The following SLCO1A2 variants were observed in gnomAD, a reference collection of about 807,000 sequenced individuals.
The protein encoded by SLCO1A2 is OATP-1.
Under a neutral mutation model 69.0 loss-of-function variants are expected in SLCO1A2, and 67 were observed. The observed-to-expected ratio is 0.97, with a 90% confidence interval of 0.80 to 1.19. The LOEUF is 1.19. Ranked by LOEUF, SLCO1A2 falls within the 50% of genes most tolerant of loss-of-function variation. The pLI, the probability that SLCO1A2 is intolerant of heterozygous loss-of-function variation, is 0.00. For missense variants in SLCO1A2, 787 were observed against 793.7 expected (o/e 0.99, Z 0.10); for synonymous variants, 260 against 265.9 (o/e 0.98, Z 0.22).
At chr12:21,337,153 T>A (rs536954842), upstream of SLCO1A2, among the ~76,000 whole-genome samples, 1 of 152,176 alleles carries the variant, frequency 6.6e-6, no homozygotes, top group East Asian at 1.9e-4. Context: ...ATATACACAT[T>A]GTTATGTAGT....
chr12:21,273,410 G>A (rs947606231), intron 14 of SLCO1A2, among the ~76,000 whole-genome samples: 2 of 152,002 alleles, frequency 1.3e-5, no homozygotes, highest in Admixed American at 1.3e-4. Context: ...AGAAATGTAG[G>A]GATCCATGGA....
intron 2 of SLCO1A2, among the ~76,000 whole-genome samples, chr12:21,365,831 C>A (rs11046003): frequency 0.32 from 49,190 of 151,966 alleles, 8,269 homozygotes; most frequent in East Asian, 0.46. Flanking sequence ...GAGAAATGCA[C>A]ATCAAAACCA....
chr12:21,302,621 A>G (rs1948856020), intron 6 of SLCO1A2, among the ~76,000 whole-genome samples: 1 of 147,206 alleles, frequency 6.8e-6, no homozygotes, highest in Admixed American at 6.8e-5. Context: ...TGCAACCTCC[A>G]CCTCCCGGGT....
At chr12:21,416,526 G>C (rs1366171473) in intron 1 of SLCO1A2, among the ~76,000 whole-genome samples, 1 of 151,934 alleles carries the variant, frequency 6.6e-6, no homozygotes, top group Non-Finnish European at 1.5e-5. Context: ...TGAGAACCGA[G>C]CTAGCTTCGT....
intron 1 of SLCO1A2, among the ~76,000 whole-genome samples, chr12:21,375,491 T>C (rs150172045): frequency 1.9e-3 from 295 of 152,336 alleles, no homozygotes; most frequent in African/African-American, 6.8e-3. Flanking sequence ...AATCATCTCA[T>C]TTGAGATTTT....
At chr12:21,280,495 A>G (rs1944592466) in intron 12 of SLCO1A2, among the ~76,000 whole-genome samples, 1 of 152,122 alleles carries the variant, frequency 6.6e-6, no homozygotes, top group Non-Finnish European at 1.5e-5. Context: ...AGATCATTAT[A>G]TAAGGATAAA....
At chr12:21,385,692 T>C (rs1301292127) in intron 1 of SLCO1A2, among the ~76,000 whole-genome samples, 1 of 152,138 alleles carries the variant, frequency 6.6e-6, no homozygotes, top group Non-Finnish European at 1.5e-5. Context: ...CACAGCTGGG[T>C]GTGATAAGGA....
intron 10 of SLCO1A2, chr12:21,295,108 C>T (rs1947502929): frequency 6.6e-6 from 1 of 151,970 alleles, no homozygotes; most frequent in Admixed American, 6.6e-5. Context: ...TTAGACATAG[C>T]AATATAAATG....
intron 2 of SLCO1A2, among the ~76,000 whole-genome samples, chr12:21,362,870 T>A (rs953942801): frequency 1.1e-4 from 16 of 152,158 alleles, no homozygotes; most frequent in Admixed American, 4.6e-4. Flanking sequence ...ATGCATCCAA[T>A]ACAGGAGCAC....
intron 3 of SLCO1A2, among the ~76,000 whole-genome samples, chr12:21,318,437 T>G (rs529782805): frequency 1.3e-5 from 2 of 152,272 alleles, no homozygotes; most frequent in Admixed American, 6.5e-5. Context: ...CCTTTGTATC[T>G]TCTAAATACA....
upstream of SLCO1A2, among the ~76,000 whole-genome samples, chr12:21,418,705 T>C (rs1473293119): frequency 6.6e-6 from 1 of 152,022 alleles, no homozygotes; most frequent in Non-Finnish European, 1.5e-5. Context: ...CGTGTGGGAA[T>C]TATGGGAGCT....
intron 14 of SLCO1A2, among the ~76,000 whole-genome samples, chr12:21,270,525 CT>C (rs1482864058): frequency 4.0e-5 from 6 of 151,588 alleles, no homozygotes; most frequent in African/African-American, 1.5e-4. Flanking sequence ...AAAATTTTCC[CT>C]TTTTCTGTTT....
At chr12:21,349,916 T>C (rs1347884308) in intron 2 of SLCO1A2, among the ~76,000 whole-genome samples, 2 of 152,204 alleles carry the variant, frequency 1.3e-5, no homozygotes, top group African/African-American at 4.8e-5. Flanking sequence ...TGTTAGACTT[T>C]AAGTTCCATC....
At chr12:21,393,363 T>A (rs1032620280) in intron 1 of SLCO1A2, among the ~76,000 whole-genome samples, 1 of 152,172 alleles carries the variant, frequency 6.6e-6, no homozygotes, top group African/African-American at 2.4e-5. Context: ...TTATTTAAGA[T>A]TAATTACTCC....
At chr12:21,299,274 T>C (rs1381334373) in intron 8 of SLCO1A2, among the ~76,000 whole-genome samples, 1 of 152,134 alleles carries the variant, frequency 6.6e-6, no homozygotes, top group African/African-American at 2.4e-5. Flanking sequence ...TGAGCATCAG[T>C]GCTCTTGAGT....
chr12:21,266,114 G>A lies in SLCO1A2; in HGVS notation c.*3434C>T, dbSNP rs1942039496. On this transcript the variant is annotated 3_prime_UTR_variant, in exon 15 of 15. Coordinates refer to ENST00000683939, the MANE Select transcript of SLCO1A2 (RefSeq NM_001386879.1). ...GATGCATGAGAGGACCCACAAAGAG[G>A]ACGTTCACCTATGAATCAGCCAGTA... 1 of 152,110 alleles carries A rather than the reference G, an allele frequency of 6.6e-6. No homozygotes were observed. Among genetic ancestry groups the A allele is most frequent in the African/African-American group, 2.4e-5 (1 of 41,428 alleles). The allele number at this position is 152,110 out of a possible 1,614,324, so 9.4% of individuals were successfully genotyped here.
intron 2 of SLCO1A2, among the ~76,000 whole-genome samples, chr12:21,373,922 G>C: frequency 6.6e-6 from 1 of 152,106 alleles, no homozygotes; most frequent in East Asian, 1.9e-4. Context: ...ATAATCAGGA[G>C]CAAATTAATG....
intron 2 of SLCO1A2, among the ~76,000 whole-genome samples, chr12:21,333,350 T>C (rs1301734194): frequency 6.6e-6 from 1 of 152,130 alleles, no homozygotes; most frequent in East Asian, 1.9e-4. Flanking sequence ...AAATAATCTC[T>C]GTATTTATAA....
chr12:21,346,821 T>C (rs1480267120), intron 2 of SLCO1A2, among the ~76,000 whole-genome samples: 1 of 152,226 alleles, frequency 6.6e-6, no homozygotes, highest in Non-Finnish European at 1.5e-5. Context: ...AAGCCATACA[T>C]ACACCATTGG....
Sources: gnomAD v4.1 joint callset for allele counts (sites outside exome capture counted in the v4.1 genomes callset) on GRCh38, gnomAD v4.1.1 for gene constraint, MANE v1.5 for transcripts, NCBI Gene and HGNC (gene_info 2026-07-23, HGNC 2026-07-21) for gene names.